The following DHRS7B variants were observed in gnomAD, a reference collection of about 807,000 sequenced individuals.
DHRS7B encodes dehydrogenase/reductase 7B.
In DHRS7B, 24 loss-of-function variants were observed where a neutral mutation model predicts 26.4. The ratio of observed to expected loss-of-function variants is 0.91; its 90% CI spans 0.66 to 1.28. The LOEUF is 1.28. Ranked by LOEUF, DHRS7B falls within the 50% of genes most tolerant of loss-of-function variation. The probability of loss-of-function intolerance (pLI) is 0.00; values close to 1 mark genes in which losing one functional copy is unlikely to be tolerated. For missense variants in DHRS7B, 368 were observed against 419.4 expected, an observed-to-expected ratio of 0.88 and a Z score of 1.07; for synonymous variants, 142 against 166.4, an observed-to-expected ratio of 0.85 and a Z score of 1.13.
chr17:21,132,667 C>T (rs1015909118), intron 1 of DHRS7B, among the ~76,000 whole-genome samples: 11 of 151,796 alleles, frequency 7.2e-5, no homozygotes, highest in Admixed American at 5.9e-4. Context: ...CTGTGATTGG[C>T]TGAGACTGGG....
chr17:21,190,612 C>A (rs1047350105), intron 6 of DHRS7B, among the ~76,000 whole-genome samples: 5 of 152,258 alleles, frequency 3.3e-5, no homozygotes, highest in Non-Finnish European at 7.3e-5. Flanking sequence ...CTGAAGCCCC[C>A]ACCCCGGGCT....
chr17:21,156,123 A>G (rs777674331), intron 1 of DHRS7B, among the ~76,000 whole-genome samples: 6 of 152,292 alleles, frequency 3.9e-5, no homozygotes, highest in Middle Eastern at 6.8e-3. Context: ...GCAGAAACCA[A>G]TGAAATTGAG....
chr17:21,129,542 C>G (rs149829964), intron 1 of DHRS7B, among the ~76,000 whole-genome samples: 175 of 151,346 alleles, frequency 1.2e-3, no homozygotes, highest in African/African-American at 4.1e-3. Flanking sequence ...CCCATTTCTA[C>G]AAAAAATAAA....
chr17:21,138,205 C>T (rs1296456881), intron 1 of DHRS7B, among the ~76,000 whole-genome samples: 4 of 127,514 alleles, frequency 3.1e-5, no homozygotes, highest in African/African-American at 9.2e-5. Flanking sequence ...ACATCCATCC[C>T]TCCTTCTTTT....
chr17:21,130,110 G>A (rs1973196240), intron 1 of DHRS7B, among the ~76,000 whole-genome samples: 1 of 152,176 alleles, frequency 6.6e-6, no homozygotes, highest in African/African-American at 2.4e-5. Flanking sequence ...TTAAAATAGG[G>A]GGTTTGGCTG....
chr17:21,167,767 C>T (rs1974145965), intron 1 of DHRS7B, among the ~76,000 whole-genome samples: 1 of 152,192 alleles, frequency 6.6e-6, no homozygotes, highest in African/African-American at 2.4e-5. Flanking sequence ...TTTATACCAT[C>T]AATCTTGCCT....
In DHRS7B at chr17:21,176,318, T is replaced by C. The variant is rs539864681; in HGVS notation, c.200-1915T>C. The stretch of plus-strand genomic sequence containing the variant: ...ATTTTTACAAAGTAGTTCAGAAATA[T>C]GGCCAGGCACAGTGGCTCATGCCTG... On this transcript the variant is annotated intron_variant, in intron 2 of 6. Transcript: ENST00000395511. Among the ~76,000 whole-genome samples the C allele has an allele frequency of 1.8e-4, 27 of 152,044 alleles. No individual in the cohort carries two copies. The South Asian group carries it at 3.5e-3, about 20-fold the overall frequency.
intron 1 of DHRS7B, chr17:21,166,298 C>T (rs544427236): frequency 5.1e-6 from 5 of 985,374 alleles, no homozygotes; most frequent in Admixed American, 6.1e-5. Context: ...TCTTTTAAAC[C>T]AGGGAGCTGA....
chr17:21,140,865 C>G (rs1973491316), intron 1 of DHRS7B, among the ~76,000 whole-genome samples: 1 of 152,152 alleles, frequency 6.6e-6, no homozygotes, highest in Admixed American at 6.5e-5. Flanking sequence ...CTTTTCTCCT[C>G]ATTCTTCGAT....
intron 1 of DHRS7B, among the ~76,000 whole-genome samples, chr17:21,165,788 C>T (rs924048582): frequency 1.3e-5 from 2 of 151,862 alleles, no homozygotes; most frequent in Middle Eastern, 3.4e-3. Flanking sequence ...TGGTGGCGTG[C>T]GCCTGTAGTC....
chr17:21,144,684 G>T (rs752645376), intron 1 of DHRS7B, among the ~76,000 whole-genome samples: 14 of 152,182 alleles, frequency 9.2e-5, no homozygotes, highest in Middle Eastern at 3.4e-3. Flanking sequence ...CAGGCATAGT[G>T]GTGCGTGCCT....
intron 3 of DHRS7B, among the ~76,000 whole-genome samples, chr17:21,182,744 A>T (rs955780248): frequency 1.3e-5 from 2 of 152,196 alleles, no homozygotes; most frequent in Non-Finnish European, 1.5e-5. Flanking sequence ...GATAAATCCC[A>T]CTTGGTCATG....
At chr17:21,144,334 A>G (rs1973594258) in intron 1 of DHRS7B, among the ~76,000 whole-genome samples, 1 of 152,210 alleles carries the variant, frequency 6.6e-6, no homozygotes. Context: ...ATAAGTTCCC[A>G]AATCAAACAG....
rs200651282 is a variant in DHRS7B, at chr17:21,160,398, C to CAA, written c.21-11612_21-11611dup. Among the ~76,000 whole-genome samples, 62 of 149,736 alleles carry CAA rather than the reference C, an allele frequency of 4.1e-4. 2 individuals are homozygous for CAA. In the East Asian group the frequency reaches 8.6e-3, roughly 21 times the overall value. On this transcript the variant is annotated intron_variant, in intron 1 of 6. Transcript: ENST00000395511. ...AAAAAATTAAAAATGAACAACACAA[C>CAA]AAAAAAAAATGGACAAAAGATCTGA...
At chr17:21,176,725 C>T (rs1335662181) in intron 2 of DHRS7B, among the ~76,000 whole-genome samples, 12 of 151,782 alleles carry the variant, frequency 7.9e-5, no homozygotes, top group Admixed American at 3.9e-4. Context: ...GGTCACACCC[C>T]GAGGGACTGA....
chr17:21,164,291 G>A (rs1359650948), intron 1 of DHRS7B, among the ~76,000 whole-genome samples: 1 of 151,844 alleles, frequency 6.6e-6, no homozygotes, highest in East Asian at 1.9e-4. Flanking sequence ...TCAGCCTCCT[G>A]AGTAGCTGGG....
At chr17:21,163,470 G>C (rs567651810) in intron 1 of DHRS7B, among the ~76,000 whole-genome samples, 1 of 152,288 alleles carries the variant, frequency 6.6e-6, no homozygotes, top group African/African-American at 2.4e-5. Flanking sequence ...TTGCAGTGAA[G>C]TGTTAGTAAT....
At chr17:21,165,633 T>C (rs1038619795) in intron 1 of DHRS7B, among the ~76,000 whole-genome samples, 3 of 152,086 alleles carry the variant, frequency 2.0e-5, no homozygotes, top group Non-Finnish European at 4.4e-5. Context: ...CTAAATTCAC[T>C]TTAAGAAGCA....
At chr17:21,161,130 T>C (rs979928075) in intron 1 of DHRS7B, among the ~76,000 whole-genome samples, 2 of 152,226 alleles carry the variant, frequency 1.3e-5, no homozygotes, top group African/African-American at 4.8e-5. Flanking sequence ...GATAGATATA[T>C]GTCAGTATAC....
Sources: gnomAD v4.1 joint callset for allele counts (sites outside exome capture counted in the v4.1 genomes callset) on GRCh38, gnomAD v4.1.1 for gene constraint, MANE v1.5 for transcripts, NCBI Gene and HGNC (gene_info 2026-07-23, HGNC 2026-07-21) for gene names.